Variants in PIWIL1 observed in about 807,000 individuals in gnomAD.
PIWIL1 encodes piwi-like protein 1.
Under a neutral mutation model 114.4 loss-of-function variants are expected in PIWIL1, and 73 were observed. That is an observed-to-expected ratio of 0.64 (90% CI 0.53 to 0.78). The LOEUF (loss-of-function observed/expected upper bound fraction) is 0.78. Ranked by LOEUF, PIWIL1 falls within the 30% of genes least tolerant of loss-of-function variation. The pLI is 0.00. For synonymous variants in PIWIL1, 375 were observed against 369.0 expected, an observed-to-expected ratio of 1.02 and a Z score of -0.19; for missense variants, 723 against 1,063.1, an observed-to-expected ratio of 0.68 and a Z score of 4.45.
At chr12:130,402,556 T>G in the PIWIL1 span, among the ~76,000 whole-genome samples, 4 of 152,118 alleles carry the variant, frequency 2.6e-5, no homozygotes, top group Non-Finnish European at 5.9e-5. Flanking sequence ...TAACTTTCTC[T>G]AAAAAAATTT....
chr12:130,352,419 C>T, intron 9 of PIWIL1, among the ~76,000 whole-genome samples: 1 of 152,144 alleles, frequency 6.6e-6, no homozygotes, highest in East Asian at 1.9e-4. Flanking sequence ...TGGGTCATGC[C>T]TGCAATCCCA....
rs544746966 is a variant in PIWIL1, at chr12:130,361,569, A to G, written c.1938A>G (p.Gly646=). 5.0e-6 allele frequency: 8 copies of G among 1,614,174 alleles called. No homozygotes were observed. The East Asian group carries it at 1.6e-4, about 31-fold the overall frequency. Residue 646 remains glycine, a synonymous_variant, in exon 16 of 21, where the codon GGA becomes GGG. Coordinates refer to ENST00000245255, the MANE Select transcript of PIWIL1 (RefSeq NM_004764.5). ...DMTAGRRSIA[G]FVASINEGMT... ...CAGCTGGGCGGAGGTCAATCGCAGGATTTGTTGCCAGCATCAATGAAGGGA... is the reference window on the plus strand; with the variant it reads ...CAGCTGGGCGGAGGTCAATCGCAGGGTTTGTTGCCAGCATCAATGAAGGGA...
downstream of PIWIL1, chr12:130,372,715 G>T (rs1351903619): frequency 6.9e-6 from 1 of 145,338 alleles, no homozygotes; most frequent in Non-Finnish European, 1.5e-5. Context: ...TCCAATATTT[G>T]TAGTATAAGA....
Position 130,361,823 on chromosome 12 carries a change from C to T in PIWIL1, c.1970+222C>T, listed in dbSNP as rs547844611. 3.9e-5 allele frequency among the ~76,000 whole-genome samples: 6 copies of T among 152,104 alleles called. No individual in the cohort carries two copies. The East Asian group carries it at 7.7e-4, about 20-fold the overall frequency. The stretch of plus-strand genomic sequence containing the variant: ...GATTTTTTTTAATCATATGTATTGG[C>T]GAGTACATCTTGTTAAATGTGACTC... On this transcript the variant is annotated intron_variant, in intron 16 of 20. Coordinates refer to ENST00000245255, the MANE Select transcript of PIWIL1 (RefSeq NM_004764.5).
At chr12:130,424,459 C>T in the PIWIL1 span, 40 of 1,232,006 alleles carry the variant, frequency 3.2e-5, no homozygotes, top group African/African-American at 1.1e-4. The surrounding 1 kb of genome is among the most constrained non-coding windows in gnomAD (Gnocchi z 9.8). Context: ...CACGCGGCCA[C>T]GGTGTTTCCG....
chr12:130,399,605 C>A, the PIWIL1 span: 1 of 1,502,292 alleles, frequency 6.7e-7, no homozygotes, highest in Middle Eastern at 1.8e-4. Flanking sequence ...ATAAAAATAT[C>A]AGTGCAAAGA....
At chr12:130,369,024 G>A (rs1199829992) in intron 19 of PIWIL1, among the ~76,000 whole-genome samples, 1 of 152,062 alleles carries the variant, frequency 6.6e-6, no homozygotes, top group Non-Finnish European at 1.5e-5. Context: ...TCATGCATTA[G>A]CTATTTATCC....
intron 14 of PIWIL1, among the ~76,000 whole-genome samples, chr12:130,357,944 T>A (rs924167): frequency 1.4e-3 from 211 of 152,302 alleles, no homozygotes; most frequent in African/African-American, 4.8e-3. Flanking sequence ...GTGCCAGGTA[T>A]GGGAAGAGTA....
chr12:130,392,982 G>C, the PIWIL1 span, among the ~76,000 whole-genome samples: 98 of 66,514 alleles, frequency 1.5e-3, no homozygotes, highest in Middle Eastern at 0.015. Flanking sequence ...TCACGTGTGT[G>C]CGTCAGTTAC....
intron 1 of PIWIL1, chr12:130,342,155 C>CGT (rs56124149): frequency 0.13 from 17,886 of 134,828 alleles, 1,091 homozygotes; most frequent in East Asian, 0.21. Flanking sequence ...TGCCTGTTTC[C>CGT]GTGTGTGTGT....
the PIWIL1 span, among the ~76,000 whole-genome samples, chr12:130,391,205 GCCC>G: frequency 6.6e-6 from 1 of 152,244 alleles, no homozygotes; most frequent in African/African-American, 2.4e-5. Context: ...GGGCTGCTGA[GCCC>G]CGGCTTCTCG....
Position 130,368,634 on chromosome 12 carries a change from A to T in PIWIL1, c.2321+1376A>T, listed in dbSNP as rs561594582. On this transcript the variant is annotated intron_variant, in intron 19 of 20. Transcript: ENST00000245255. ...AAGACAAAAGAAGGCTAAGATGTTAACATAGCAAATTCATTTCTGCAGGAT... is the reference window on the plus strand; with the variant it reads ...AAGACAAAAGAAGGCTAAGATGTTATCATAGCAAATTCATTTCTGCAGGAT... Among the ~76,000 whole-genome samples the T allele has an allele frequency of 8.5e-5, 13 of 152,316 alleles. No homozygotes were observed. In the East Asian group the frequency reaches 2.1e-3, roughly 25 times the overall value.
At chr12:130,388,869 A>G in the PIWIL1 span, among the ~76,000 whole-genome samples, 8 of 152,188 alleles carry the variant, frequency 5.3e-5, no homozygotes, top group African/African-American at 1.7e-4. Flanking sequence ...ATCCTCTGCA[A>G]ACAATGATAA....
intron 9 of PIWIL1, chr12:130,351,631 T>C (rs887305617): frequency 2.6e-5 from 4 of 152,310 alleles, no homozygotes; most frequent in Admixed American, 2.6e-4. Flanking sequence ...CATGCCTAAG[T>C]AGGTTCTTGG....
chr12:130,414,269 A>G, the PIWIL1 span: 19 of 1,609,898 alleles, frequency 1.2e-5, no homozygotes, highest in East Asian at 1.3e-4. Flanking sequence ...CTGACTCTTC[A>G]TAGAAGTCTG....
chr12:130,338,905 C>T (rs1355763198), intron 1 of PIWIL1, among the ~76,000 whole-genome samples: 34 of 142,800 alleles, frequency 2.4e-4, no homozygotes, highest in African/African-American at 8.4e-4. Flanking sequence ...GGTGCAGGGG[C>T]CGGGGTGAGA....
At chr12:130,384,197 C>A in the PIWIL1 span, among the ~76,000 whole-genome samples, 1 of 152,222 alleles carries the variant, frequency 6.6e-6, no homozygotes, top group Non-Finnish European at 1.5e-5. Context: ...AACCCTCAAA[C>A]AGATGTGTGT....
At position 130,371,192 on chromosome 12, in the gene PIWIL1, G is replaced by A. The variant is rs1246711464; in HGVS notation, c.2338G>A (p.Val780Met). 7 of 1,613,702 alleles carry A rather than the reference G, an allele frequency of 4.3e-6. No individual in the cohort carries two copies. Among genetic ancestry groups the A allele is most frequent in the African/African-American group, 4.0e-5 (3 of 74,890 alleles). Residue 780 changes from valine to methionine, a missense_variant, in exon 20 of 21, where the codon GTG becomes ATG. Coordinates refer to ENST00000245255, the MANE Select transcript of PIWIL1 (RefSeq NM_004764.5). ...TAATTCCAGGTATGACTTTTTTATC[G>A]TGAGCCAGGCTGTGAGAAGTGGTAG... Reference protein sequence around the residue: ...TRPEWYDFFIVSQAVRSGSVS... With the variant: ...TRPEWYDFFIMSQAVRSGSVS...
chr12:130,347,598 T>G (rs2073103174), intron 6 of PIWIL1, among the ~76,000 whole-genome samples: 1 of 152,246 alleles, frequency 6.6e-6, no homozygotes, highest in Non-Finnish European at 1.5e-5. Context: ...CCTCTTTAAG[T>G]TAGTCATAAG....
Sources: gnomAD v4.1 joint callset for allele counts (sites outside exome capture counted in the v4.1 genomes callset) on GRCh38, gnomAD v4.1.1 for gene constraint, Gnocchi (gnomAD v3.1) non-coding constraint, MANE v1.5 for transcripts, NCBI Gene and HGNC (gene_info 2026-07-23, HGNC 2026-07-21) for gene names.